SNX29: variants seen among roughly 807,000 people sequenced by gnomAD.
SNX29 encodes the protein sorting nexin-29.
In SNX29, 78 loss-of-function variants were observed where a neutral mutation model predicts 102.1. The ratio of observed to expected loss-of-function variants is 0.76; its 90% CI spans 0.64 to 0.92. The LOEUF is 0.92. Ranked by LOEUF, SNX29 falls within the 40% of genes least tolerant of loss-of-function variation. SNX29 has a pLI of 0.00. For synonymous variants in SNX29, 580 were observed against 414.5 expected, an observed-to-expected ratio of 1.40 and a Z score of -4.85; for missense variants, 1,280 against 1,061.7, an observed-to-expected ratio of 1.21 and a Z score of -2.86.
intron 13 of SNX29, among the ~76,000 whole-genome samples, chr16:12,181,552 C>G (rs528741427): frequency 6.6e-6 from 1 of 152,304 alleles, no homozygotes; most frequent in South Asian, 2.1e-4. Flanking sequence ...TAAGCAGTTC[C>G]CAGCTTGACT....
chr16:12,570,302 C>A lies in SNX29; in HGVS notation c.*1673C>A. 9.7e-7 allele frequency: 1 copy of A among 1,034,218 alleles called. No individual in the cohort carries two copies. Among genetic ancestry groups the A allele is most frequent in the Non-Finnish European group, 1.2e-6 (1 of 851,048 alleles). 64.1% of individuals were successfully genotyped at this position (1,034,218 alleles called of 1,614,324 possible). A position where few individuals can be genotyped will look rare whatever the true frequency, so the allele number is the denominator to read the frequency against. ...GCAGTCAGTTTGCGAGTGTGGAGGA[C>A]CCGAGACATCCTGTAAAGGCAACTT... On this transcript the variant is annotated 3_prime_UTR_variant, in exon 21 of 21. Transcript: ENST00000566228.
chr16:12,218,744 A>G (rs1207947909), intron 14 of SNX29, among the ~76,000 whole-genome samples: 1 of 152,004 alleles, frequency 6.6e-6, no homozygotes, highest in Non-Finnish European at 1.5e-5. Context: ...TCATAGATGG[A>G]ATTTAGGTTG....
chr16:12,569,561 G>A lies in SNX29; in HGVS notation c.*932G>A, dbSNP rs2077294. ...AGTGTGGACACTTAACAGATCATGT[G>A]TCTCTCCACTAAAAACATTTTCCAT... On this transcript the variant is annotated 3_prime_UTR_variant, in exon 21 of 21. Coordinates refer to ENST00000566228, the MANE Select transcript of SNX29 (RefSeq NM_032167.5). 8.7e-6 allele frequency: 2 copies of A among 230,938 alleles called. No individual in the cohort carries two copies. Among genetic ancestry groups the A allele is most frequent in the Non-Finnish European group, 1.7e-5 (2 of 116,734 alleles). The allele number at this position is 230,938 out of a possible 1,614,324, so 14.3% of individuals were successfully genotyped here.
At chr16:12,487,915 C>A (rs1407369814) in intron 19 of SNX29, among the ~76,000 whole-genome samples, 6 of 152,122 alleles carry the variant, frequency 3.9e-5, no homozygotes. Flanking sequence ...TTATACATCC[C>A]ACATTTGTGT....
At chr16:12,202,330 G>T (rs1567306353) in intron 14 of SNX29, among the ~76,000 whole-genome samples, 1 of 151,966 alleles carries the variant, frequency 6.6e-6, no homozygotes, top group East Asian at 1.9e-4. Context: ...CTAATGGAAA[G>T]TTTTTTTTGT....
Position 12,194,010 on chromosome 16 carries a change from G to T in SNX29, c.1596-5591G>T, listed in dbSNP as rs116921099. ...TCCATATGAATGTTACAATCTGCTA[G>T]TCTATATCTATAAGAAATCCTGCTG... On this transcript the variant is annotated intron_variant, in intron 13 of 20. Coordinates refer to ENST00000566228, the MANE Select transcript of SNX29 (RefSeq NM_032167.5). 3.5e-3 allele frequency among the ~76,000 whole-genome samples: 540 copies of T among 152,284 alleles called. 6 individuals are homozygous for T. The highest frequency in any genetic ancestry group is 3.4e-3 in the Middle Eastern group (1 of 294).
Position 12,489,836 on chromosome 16 carries a change from C to T in SNX29, c.2178+11977C>T, listed in dbSNP as rs1267716398. 3.3e-5 allele frequency among the ~76,000 whole-genome samples: 5 copies of T among 151,986 alleles called. No homozygotes were observed. In the South Asian group the frequency reaches 6.2e-4, roughly 19 times the overall value. ...TTTCTTTTTTTTCGAGATTGCGTCTCACTCTGTCACCCAAGCTGGAATGCA... is the reference window on the plus strand; with the variant it reads ...TTTCTTTTTTTTCGAGATTGCGTCTTACTCTGTCACCCAAGCTGGAATGCA... On this transcript the variant is annotated intron_variant, in intron 19 of 20. Transcript: ENST00000566228.
intron 15 of SNX29, among the ~76,000 whole-genome samples, chr16:12,347,785 C>T (rs1411151446): frequency 6.6e-6 from 1 of 151,846 alleles, no homozygotes; most frequent in Non-Finnish European, 1.5e-5. Context: ...AAATAAGATA[C>T]CAGGAATCAG....
chr16:12,537,218 A>G (rs943838300), intron 20 of SNX29, among the ~76,000 whole-genome samples: 2 of 152,212 alleles, frequency 1.3e-5, no homozygotes, highest in African/African-American at 4.8e-5. Flanking sequence ...CTTAGAGACC[A>G]GACTGCAAGG....
chr16:12,560,651 C>T (rs1352127278), intron 20 of SNX29: 4 of 154,986 alleles, frequency 2.6e-5, no homozygotes, highest in Non-Finnish European at 5.7e-5. Flanking sequence ...CACCACCTAA[C>T]TAGCATCTTG....
intron 3 of SNX29, among the ~76,000 whole-genome samples, chr16:12,023,500 C>T (rs928021632): frequency 6.7e-6 from 1 of 149,870 alleles, no homozygotes; most frequent in Non-Finnish European, 1.5e-5. Flanking sequence ...ATCGTTTGAG[C>T]CTGGGAGATT....
intron 19 of SNX29, among the ~76,000 whole-genome samples, chr16:12,490,841 C>A (rs2088508811): frequency 1.3e-5 from 2 of 152,216 alleles, no homozygotes; most frequent in Non-Finnish European, 2.9e-5. Context: ...ACACGTATAA[C>A]CATCCAGATT....
chr16:12,139,420 C>G (rs1010076786), intron 13 of SNX29, among the ~76,000 whole-genome samples: 1 of 152,164 alleles, frequency 6.6e-6, no homozygotes, highest in African/African-American at 2.4e-5. Context: ...TTGCACCTAG[C>G]ACAGTGCCTG....
chr16:12,345,800 G>T (rs1310046776), intron 15 of SNX29, among the ~76,000 whole-genome samples: 1 of 152,086 alleles, frequency 6.6e-6, no homozygotes, highest in Non-Finnish European at 1.5e-5. Flanking sequence ...AATGTTTTCT[G>T]CCCTCTCCTC....
chr16:12,191,835 A>G (rs1567295805), intron 13 of SNX29, among the ~76,000 whole-genome samples: 1 of 152,204 alleles, frequency 6.6e-6, no homozygotes, highest in Non-Finnish European at 1.5e-5. Context: ...ATTGGTGCCT[A>G]TTCTGGGGGA....
chr16:12,207,207 A>G (rs1021815624), intron 14 of SNX29, among the ~76,000 whole-genome samples: 1 of 152,012 alleles, frequency 6.6e-6, no homozygotes, highest in Non-Finnish European at 1.5e-5. Flanking sequence ...CATCTCTACT[A>G]AAAATACAAA....
Position 12,379,096 on chromosome 16 carries a change from C to T in SNX29, c.1900-19350C>T, listed in dbSNP as rs966009196. Among the ~76,000 whole-genome samples, 85 of 152,308 alleles carry T rather than the reference C, an allele frequency of 5.6e-4. 1 individual carries two copies. The highest frequency in any genetic ancestry group is 2.0e-3 in the African/African-American group (85 of 41,562). ...GGGGGCAGCAGACAGCCATACTCCACTCCTGTTTCCTGCCCCTTCTTTTCT... is the reference window on the plus strand; with the variant it reads ...GGGGGCAGCAGACAGCCATACTCCATTCCTGTTTCCTGCCCCTTCTTTTCT... On this transcript the variant is annotated intron_variant, in intron 16 of 20. Transcript: ENST00000566228.
intron 15 of SNX29, among the ~76,000 whole-genome samples, chr16:12,314,311 A>G (rs534553227): frequency 1.2e-4 from 18 of 152,314 alleles, no homozygotes; most frequent in African/African-American, 4.3e-4. Context: ...TTAATTGTAG[A>G]AGTACCTGTT....
At chr16:12,285,242 G>A (rs950478272) in intron 15 of SNX29, among the ~76,000 whole-genome samples, 4 of 152,114 alleles carry the variant, frequency 2.6e-5, no homozygotes, top group South Asian at 2.1e-4. Context: ...TGTTGTCTTC[G>A]GGCTCTCCCA....
Sources: allele counts gnomAD v4.1 joint callset (sites outside exome capture counted in the v4.1 genomes callset), GRCh38; gene constraint gnomAD v4.1.1; transcripts MANE v1.5; gene names NCBI Gene and HGNC (gene_info 2026-07-23, HGNC 2026-07-21).